The following SHPRH variants were observed in gnomAD, a reference collection of about 807,000 sequenced individuals.
SHPRH encodes SNF2 histone linker PHD RING helicase.
SHPRH carries 106 observed loss-of-function variants against 202.5 expected under a neutral mutation model. The ratio of observed to expected loss-of-function variants is 0.52; its 90% CI spans 0.45 to 0.62. SHPRH has a LOEUF of 0.62. Ranked by LOEUF, SHPRH falls within the 20% of genes least tolerant of loss-of-function variation. SHPRH has a pLI of 0.00. For synonymous variants in SHPRH, 729 were observed against 686.0 expected (o/e 1.06, Z -0.98); for missense variants, 1,710 against 2,020.0 (o/e 0.85, Z 2.94).
intron 2 of SHPRH, among the ~76,000 whole-genome samples, chr6:145,869,664 T>G (rs567693702): frequency 6.6e-6 from 1 of 152,290 alleles, no homozygotes; most frequent in African/African-American, 2.4e-5. Flanking sequence ...ATGGGTTTTC[T>G]ATTCCTTCCA....
chr6:145,944,757 A>C (rs1054372421), intron 8 of SHPRH, among the ~76,000 whole-genome samples: 2 of 152,128 alleles, frequency 1.3e-5, no homozygotes, highest in African/African-American at 4.8e-5. Flanking sequence ...ATTTTCCTAA[A>C]AGCAAATTGA....
rs1175106002 is a variant in SHPRH, at chr6:145,955,007, A to G, written c.316T>C (p.Tyr106His). 6 of 1,613,680 alleles carry G rather than the reference A, an allele frequency of 3.7e-6. No individual in the cohort carries two copies. Among genetic ancestry groups the G allele is most frequent in the Non-Finnish European group, 3.4e-6 (4 of 1,179,914 alleles). ...GCTTTCCAGGAATTATCAAAATGATAGGGAGAAATCACAATATTTAACTTT... is the reference window on the plus strand; with the variant it reads ...GCTTTCCAGGAATTATCAAAATGATGGGGAGAAATCACAATATTTAACTTT... ...SVKLNIVISP[Y>H]HFDNSWKAFL... is the part of the protein sequence containing the mutation. Residue 106 changes from tyrosine to histidine, a missense_variant, in exon 2 of 30, where the codon TAT becomes CAT. By Grantham distance (83) the Tyr-to-His change is moderately conservative. Coordinates refer to ENST00000275233, the MANE Select transcript of SHPRH (RefSeq NM_001042683.3).
downstream of SHPRH, among the ~76,000 whole-genome samples, chr6:145,882,795 A>T (rs1290184347): frequency 6.6e-6 from 1 of 152,216 alleles, no homozygotes; most frequent in East Asian, 1.9e-4. Context: ...GTCTTGGCAG[A>T]AAATGACCAC....
intron 4 of SHPRH, among the ~76,000 whole-genome samples, chr6:145,949,287 A>T (rs1396631380): frequency 6.6e-6 from 1 of 152,096 alleles, no homozygotes; most frequent in Non-Finnish European, 1.5e-5. Flanking sequence ...CAAATTCACA[A>T]TTGCAAAGAT....
At position 145,894,873 on chromosome 6, in the gene SHPRH, T is replaced by G; in HGVS notation, c.4608+12A>C. The G allele has an allele frequency of 6.2e-7, 1 of 1,610,830 alleles. No homozygotes were observed. Reference sequence around the variant, plus strand: ...TTCGAATTAATATTGAGGATGAAAATGTTGATTATACCGTTGAGAAAACGA... The same window carrying G: ...TTCGAATTAATATTGAGGATGAAAAGGTTGATTATACCGTTGAGAAAACGA... On this transcript the variant is annotated intron_variant, in intron 26 of 29. Coordinates refer to ENST00000275233, the MANE Select transcript of SHPRH (RefSeq NM_001042683.3).
At chr6:145,870,259 A>ATTTTTTTTTTTTTTTTTTTTT (rs146513776) in intron 2 of SHPRH, among the ~76,000 whole-genome samples, 9 of 107,736 alleles carry the variant, frequency 8.4e-5, no homozygotes, top group East Asian at 8.1e-4. Context: ...ATCGTTTCAG[A>ATTTTTTTTTTTTTTTTTTTTT]TTTTTTTTTT....
At chr6:145,962,407 T>A (rs749431168) in intron 1 of SHPRH, among the ~76,000 whole-genome samples, 1 of 152,246 alleles carries the variant, frequency 6.6e-6, no homozygotes, top group Non-Finnish European at 1.5e-5. Context: ...CTCTTATTTC[T>A]TTTTGGAGAA....
intron 14 of SHPRH, among the ~76,000 whole-genome samples, chr6:145,928,703 A>T (rs931617656): frequency 9.2e-5 from 14 of 151,970 alleles, no homozygotes; most frequent in Non-Finnish European, 2.1e-4. Context: ...GTGTTGTGCA[A>T]AACACCTAAT....
chr6:145,888,870 C>G (rs967416746), intron 28 of SHPRH, among the ~76,000 whole-genome samples: 5 of 151,862 alleles, frequency 3.3e-5, no homozygotes, highest in Admixed American at 3.3e-4. Flanking sequence ...GTAGAGCTGA[C>G]AAAACTTAAA....
At chr6:145,867,631 T>TATATATAGAGAGAGAGAGAGAGAG (rs1554220329) in intron 2 of SHPRH, among the ~76,000 whole-genome samples, 2 of 22,318 alleles carry the variant, frequency 9.0e-5, no homozygotes, top group Non-Finnish European at 1.5e-4. Context: ...TATATATATA[T>TATATATAGAGAGAGAGAGAGAGAG]AGAGAGAGAG....
Position 145,945,577 on chromosome 6 carries a change from A to T in SHPRH, c.1382T>A (p.Ile461Asn). 1 of 1,612,928 alleles carries T rather than the reference A, an allele frequency of 6.2e-7. No individual in the cohort carries two copies. Among genetic ancestry groups the T allele is most frequent in the Non-Finnish European group, 8.5e-7 (1 of 1,179,488 alleles). The change falls in exon 8 of 30, where the codon ATC becomes AAC. Residue 461 changes from isoleucine (I) to asparagine (N), a missense_variant. Physicochemically the swap from Ile to Asn is moderately radical, Grantham distance 149 (BLOSUM62 -3). This residue lies in a region of SHPRH where 348 missense variants were observed against 356.9 expected (regional missense o/e 0.97). Transcript: ENST00000275233. ...ACTGACATACTTATAGATGGAAAGG[A>T]TGGACACTCCTTTTTTTCCATTCAT... ...KEMNGKKGVSILSIYKYVSSI... is the reference protein window; with the variant it reads ...KEMNGKKGVSNLSIYKYVSSI...
At chr6:145,946,568 T>G (rs1166974667) in intron 6 of SHPRH, among the ~76,000 whole-genome samples, 3 of 152,138 alleles carry the variant, frequency 2.0e-5, no homozygotes, top group African/African-American at 7.2e-5. Context: ...AAATGTTATG[T>G]GTGGAACCTC....
chr6:145,948,275 C>A lies in SHPRH; in HGVS notation c.1058G>T (p.Gly353Val). 6.4e-7 allele frequency: 1 copy of A among 1,574,304 alleles called. No homozygotes were observed. Among genetic ancestry groups the A allele is most frequent in the Non-Finnish European group, 8.6e-7 (1 of 1,160,606 alleles). The change falls in exon 5 of 30, where the codon GGC (glycine) becomes GTC (valine). Residue 353 changes from glycine (G) to valine (V), a missense_variant. Physicochemically the swap from Gly to Val is moderately radical, Grantham distance 109. This residue lies in a region of SHPRH where 459 missense variants were observed against 426.5 expected (regional missense o/e 1.08). Transcript: ENST00000275233. Reference protein sequence around the residue: ...GLKLYYNPYTGCIIREYPNSG... With the variant: ...GLKLYYNPYTVCIIREYPNSG... ...TATAAGTAAAATTTTGCCTTACCAG[C>A]CTGTATATGGATTATAGTAGAGTTT...
At chr6:145,957,365 T>C (rs75477088) in intron 1 of SHPRH, among the ~76,000 whole-genome samples, 4 of 152,094 alleles carry the variant, frequency 2.6e-5, no homozygotes, top group African/African-American at 9.7e-5. Context: ...AAACTAAGTT[T>C]CATCAAAATT....
Position 145,950,439 on chromosome 6 carries a change from C to T in SHPRH, c.807G>A (p.Glu269=), listed in dbSNP as rs754490265. The T allele has an allele frequency of 3.7e-6, 6 of 1,613,158 alleles. No homozygotes were observed. In the South Asian group the frequency reaches 6.6e-5, roughly 18 times the overall value. Residue 269 remains glutamate, a synonymous_variant, in exon 4 of 30, where the codon GAG becomes GAA. Transcript: ENST00000275233. ...GATACAGCTCGTCAATGTCTTGTCC[C>T]TCTGGCTCACTCTCCGGATCATCTT... The part of the protein sequence containing the change: ...EDEDDPESEP[E]GQDIDELYHF...
chr6:145,883,634 C>A (rs542851274), downstream of SHPRH: 5 of 152,288 alleles, frequency 3.3e-5, no homozygotes, highest in African/African-American at 1.2e-4. Context: ...TTCTTGTAAA[C>A]AGAAAATTTT....
intron 2 of SHPRH, among the ~76,000 whole-genome samples, chr6:145,876,121 T>C (rs1328560025): frequency 6.6e-6 from 1 of 152,224 alleles, no homozygotes; most frequent in South Asian, 2.1e-4. Context: ...AACACTTTCA[T>C]TACTCCATAA....
chr6:145,934,667 CA>C (rs1476920030), intron 13 of SHPRH, among the ~76,000 whole-genome samples: 1 of 146,996 alleles, frequency 6.8e-6, no homozygotes, highest in Non-Finnish European at 1.5e-5. Context: ...CGTCTCAAAA[CA>C]AAAAAAAACA....
At chr6:145,927,478 T>C (rs1037524379) in intron 14 of SHPRH, 21 of 407,902 alleles carry the variant, frequency 5.1e-5, no homozygotes, top group African/African-American at 3.2e-4. Context: ...TTTAATTCCA[T>C]GGAATATAAT....
Sources: allele counts gnomAD v4.1 joint callset (sites outside exome capture counted in the v4.1 genomes callset), GRCh38; gene constraint gnomAD v4.1.1; regional missense constraint gnomAD v4.1.1; transcripts MANE v1.5; gene names NCBI Gene and HGNC (gene_info 2026-07-23, HGNC 2026-07-21).